Variants in GAS7 observed in about 807,000 individuals in gnomAD.
The protein encoded by GAS7 is growth arrest specific 7, also known as growth arrest-specific protein 7.
GAS7 carries 28 observed loss-of-function variants against 71.1 expected under a neutral mutation model. The observed-to-expected ratio is 0.39, with a 90% CI of 0.29 to 0.54. The LOEUF is 0.54. Ranked by LOEUF, GAS7 falls within the 20% of genes least tolerant of loss-of-function variation. The pLI is 0.62. For missense variants in GAS7, 436 were observed against 627.8 expected, an observed-to-expected ratio of 0.69 and a Z score of 3.27; for synonymous variants, 258 against 245.8, an observed-to-expected ratio of 1.05 and a Z score of -0.46.
At chr17:9,942,454 C>T (rs2068637321) in intron 7 of GAS7, among the ~76,000 whole-genome samples, 1 of 151,964 alleles carries the variant, frequency 6.6e-6, no homozygotes, top group African/African-American at 2.4e-5. Context: ...AGAGAAGGAA[C>T]TTCTCTTTCT....
intron 1 of GAS7, among the ~76,000 whole-genome samples, chr17:10,105,980 A>G (rs4791927): frequency 0.74 from 111,817 of 151,992 alleles, 41,466 homozygotes; most frequent in African/African-American, 0.81. Flanking sequence ...CCTTCTCATC[A>G]TTATCCCTGC....
At chr17:9,987,759 G>A (rs1014810353) in intron 2 of GAS7, among the ~76,000 whole-genome samples, 5 of 152,252 alleles carry the variant, frequency 3.3e-5, no homozygotes, top group Non-Finnish European at 1.5e-5. Flanking sequence ...TAAAAACAGT[G>A]AGCTAGGCGG....
At chr17:9,937,857 A>G (rs188325211) in intron 8 of GAS7, among the ~76,000 whole-genome samples, 32 of 152,324 alleles carry the variant, frequency 2.1e-4, no homozygotes, top group Middle Eastern at 3.4e-3. Flanking sequence ...CAGAACGGAG[A>G]GGACCTCTGG....
rs148077455 is a variant in GAS7 at position 10,164,113 on chromosome 17, G to A, written c.183+34095C>T. Among the ~76,000 whole-genome samples the A allele has an allele frequency of 8.0e-4, 122 of 152,206 alleles. 1 individual carries two copies. Among genetic ancestry groups the A allele is most frequent in the African/African-American group, 2.8e-3 (118 of 41,538 alleles). ...GTCTGGCTGTGGTCTGGGCCTCCCT[G>A]CCCCGTTAATTTTGCACTGTGCAGC... is the stretch of plus-strand genomic sequence containing the variant. On this transcript the variant is annotated intron_variant, in intron 1 of 13. Transcript: ENST00000432992.
intron 1 of GAS7, among the ~76,000 whole-genome samples, chr17:10,193,058 G>A (rs1454490813): frequency 6.6e-6 from 1 of 152,116 alleles, no homozygotes; most frequent in Admixed American, 6.5e-5. Context: ...ATCAATTTGT[G>A]TAATATAGCA....
intron 1 of GAS7, among the ~76,000 whole-genome samples, chr17:10,032,066 G>T (rs1386873385): frequency 2.7e-5 from 4 of 149,608 alleles, no homozygotes; most frequent in Non-Finnish European, 5.9e-5. Flanking sequence ...AGGGAAGCAG[G>T]GACTGCTTCC....
At chr17:10,036,688 G>T in intron 1 of GAS7, 1 of 1,296,572 alleles carries the variant, frequency 7.7e-7, no homozygotes, top group East Asian at 3.0e-5. Flanking sequence ...TTCCAAATCC[G>T]CTCCAGTGCT....
At chr17:10,181,202 T>C (rs1368695109) in intron 1 of GAS7, among the ~76,000 whole-genome samples, 1 of 146,372 alleles carries the variant, frequency 6.8e-6, no homozygotes, top group South Asian at 2.3e-4. Flanking sequence ...TCTACTACAG[T>C]ACAAAAAATT....
intron 1 of GAS7, among the ~76,000 whole-genome samples, chr17:10,138,511 T>G (rs1397755380): frequency 6.6e-6 from 1 of 152,134 alleles, no homozygotes; most frequent in Non-Finnish European, 1.5e-5. Flanking sequence ...ACGCCTGTAT[T>G]ACCAGCACTT....
intron 1 of GAS7, among the ~76,000 whole-genome samples, chr17:10,174,614 C>T (rs1428687182): frequency 6.6e-6 from 1 of 152,022 alleles, no homozygotes; most frequent in Non-Finnish European, 1.5e-5. Context: ...ATGGCGTGAA[C>T]CCAGGAGGCG....
chr17:10,175,557 T>C (rs1162128046), intron 1 of GAS7, among the ~76,000 whole-genome samples: 1 of 152,012 alleles, frequency 6.6e-6, no homozygotes, highest in Non-Finnish European at 1.5e-5. Context: ...AGGACACCAG[T>C]CATACAGGAT....
chr17:10,176,451 C>T (rs2074374908), intron 1 of GAS7, among the ~76,000 whole-genome samples: 1 of 152,240 alleles, frequency 6.6e-6, no homozygotes, highest in African/African-American at 2.4e-5. Context: ...CCACCATCAC[C>T]TTCAAAATCC....
At chr17:10,146,960 T>TAAAAAAAAAAAAAAAAAAAA (rs1252230604) in intron 1 of GAS7, among the ~76,000 whole-genome samples, 2 of 144,854 alleles carry the variant, frequency 1.4e-5, no homozygotes, top group East Asian at 4.6e-4. Context: ...CTCCGTCTCA[T>TAAAAAAAAAAAAAAAAAAAA]AAAAAAAACG....
rs1461502874 is a variant in GAS7 at position 10,103,604 on chromosome 17, T to C, written c.184-83707A>G. Among the ~76,000 whole-genome samples, 1 of 152,032 alleles carries C rather than the reference T, an allele frequency of 6.6e-6. No individual in the cohort carries two copies. The highest frequency in any genetic ancestry group is 2.4e-5 in the African/African-American group (1 of 41,404). ...ACTTTGGGAGGCCGAGGTGGGCGGA[T>C]CACCTGAGGTCAGGAGTTCAAGACC... is the stretch of plus-strand genomic sequence containing the variant. On this transcript the variant is annotated intron_variant, in intron 1 of 13. Coordinates refer to ENST00000432992, the MANE Select transcript of GAS7 (RefSeq NM_201433.2). The surrounding 1 kb of genome is among the most constrained non-coding windows in gnomAD (Gnocchi z 5.5).
Position 10,198,274 on chromosome 17 carries a change from C to G in GAS7, c.117G>C (p.Trp39Cys). ...ITLLQVPDGG[W>C]WEGEKEDGLR... ...GCCCGTCCTCCTTCTCGCCTTCCCA[C>G]CAGCCGCCGTCCGGGACCTGCAGCA... is the stretch of plus-strand genomic sequence containing the variant. Residue 39 changes from tryptophan (W) to cysteine (C), a missense_variant, in exon 1 of 14, where the codon TGG becomes TGC. Physicochemically the swap from Trp to Cys is radical, Grantham distance 215 (BLOSUM62 -2). Coordinates refer to ENST00000432992, the MANE Select transcript of GAS7 (RefSeq NM_201433.2). The G allele has an allele frequency of 6.2e-7, 1 of 1,606,414 alleles. No individual in the cohort carries two copies. The highest frequency in any genetic ancestry group is 8.5e-7 in the Non-Finnish European group (1 of 1,179,510).
At chr17:9,971,449 C>T (rs9913255) in intron 3 of GAS7, among the ~76,000 whole-genome samples, 68,114 of 151,614 alleles carry the variant, frequency 0.45, 15,481 homozygotes, top group South Asian at 0.5. Flanking sequence ...TCTGTAGTTC[C>T]AGTAACTCGG....
At chr17:10,117,339 T>C (rs1299563124) in intron 1 of GAS7, among the ~76,000 whole-genome samples, 4 of 152,080 alleles carry the variant, frequency 2.6e-5, no homozygotes, top group Non-Finnish European at 4.4e-5. Context: ...CATCTCCGGT[T>C]CTCAACTTAA....
intron 1 of GAS7, among the ~76,000 whole-genome samples, chr17:10,137,403 A>C (rs1164937226): frequency 6.9e-6 from 1 of 145,714 alleles, no homozygotes; most frequent in East Asian, 2.0e-4. Context: ...ATTTATCTTC[A>C]TAGTATATAT....
intron 1 of GAS7, among the ~76,000 whole-genome samples, chr17:10,079,531 T>C (rs900878444): frequency 6.6e-6 from 1 of 152,222 alleles, no homozygotes; most frequent in African/African-American, 2.4e-5. Flanking sequence ...TGGTCTCTTA[T>C]TGCAACATTC....
Sources: gnomAD v4.1 joint callset for allele counts (sites outside exome capture counted in the v4.1 genomes callset) on GRCh38, gnomAD v4.1.1 for gene constraint, Gnocchi (gnomAD v3.1) non-coding constraint, MANE v1.5 for transcripts, NCBI Gene and HGNC (gene_info 2026-07-23, HGNC 2026-07-21) for gene names.